SPAG16: variants seen among roughly 807,000 people sequenced by gnomAD.
SPAG16 encodes the protein sperm associated antigen 16.
A neutral mutation model predicts 80.4 loss-of-function variants in SPAG16; 86 were observed. That is an observed-to-expected ratio of 1.07 (90% CI 0.90 to 1.28). SPAG16 has a LOEUF of 1.28. Among genes scored for constraint, SPAG16 ranks in the 50% most tolerant of loss-of-function variants. The pLI is 0.00. For synonymous variants in SPAG16, 294 were observed against 265.9 expected (o/e 1.11, Z -1.03); for missense variants, 870 against 765.3 (o/e 1.14, Z -1.61).
chr2:213,396,547 G>A, intron 9 of SPAG16: 1 of 425,186 alleles, frequency 2.4e-6, no homozygotes, highest in Non-Finnish European at 4.8e-6. Flanking sequence ...TATGAGCTCA[G>A]TGCGAGAACA....
chr2:213,799,395 C>T (rs2125632637), intron 10 of SPAG16, among the ~76,000 whole-genome samples: 1 of 152,008 alleles, frequency 6.6e-6, no homozygotes, highest in South Asian at 2.1e-4. Context: ...TATAAAAATG[C>T]AATTTATTTT....
At chr2:213,297,955 T>C (rs2062578971) in intron 3 of SPAG16, among the ~76,000 whole-genome samples, 1 of 152,184 alleles carries the variant, frequency 6.6e-6, no homozygotes, top group East Asian at 1.9e-4. Context: ...TTAAGAAGCA[T>C]GCTTTCTTTC....
intron 10 of SPAG16, among the ~76,000 whole-genome samples, chr2:213,606,960 A>G (rs564792494): frequency 6.6e-6 from 1 of 152,368 alleles, no homozygotes; most frequent in South Asian, 2.1e-4. Context: ...AAGGCAAAAT[A>G]TTATCATGGA....
chr2:214,373,065 A>G (rs1214174959), intron 15 of SPAG16, among the ~76,000 whole-genome samples: 3 of 152,196 alleles, frequency 2.0e-5, no homozygotes, highest in Admixed American at 1.3e-4. Flanking sequence ...CAAAGAATGT[A>G]GTAAAATTGT....
At chr2:214,290,445 A>G (rs1442378937) in intron 15 of SPAG16, among the ~76,000 whole-genome samples, 1 of 151,954 alleles carries the variant, frequency 6.6e-6, no homozygotes, top group African/African-American at 2.4e-5. Context: ...TTGCTTTCCT[A>G]ATTCCTTGAG....
chr2:213,299,212 A>C (rs1407778641), intron 3 of SPAG16, among the ~76,000 whole-genome samples: 1 of 152,212 alleles, frequency 6.6e-6, no homozygotes, highest in East Asian at 1.9e-4. Context: ...GAAATAATGT[A>C]AATTATCTTA....
At chr2:213,957,343 T>C (rs1285237663) in intron 12 of SPAG16, among the ~76,000 whole-genome samples, 2 of 152,206 alleles carry the variant, frequency 1.3e-5, no homozygotes, top group African/African-American at 4.8e-5. Flanking sequence ...TCTTGCAATA[T>C]TGAAACTTTT....
chr2:214,154,198 T>C (rs560375759), intron 15 of SPAG16, among the ~76,000 whole-genome samples: 7 of 152,260 alleles, frequency 4.6e-5, no homozygotes, highest in Admixed American at 2.0e-4. Context: ...ACCATGAGAA[T>C]TTATATACAT....
chr2:213,368,475 A>T (rs1367678770), intron 8 of SPAG16, among the ~76,000 whole-genome samples: 1 of 152,164 alleles, frequency 6.6e-6, no homozygotes, highest in Admixed American at 6.5e-5. Flanking sequence ...ATGGGCAAAA[A>T]CTGGAAGCAT....
At chr2:213,802,998 G>A (rs1326118631) in intron 10 of SPAG16, among the ~76,000 whole-genome samples, 2 of 152,076 alleles carry the variant, frequency 1.3e-5, no homozygotes, top group African/African-American at 4.8e-5. Flanking sequence ...ATACTTCAGG[G>A]CAGTGTACGT....
chr2:213,437,237 A>G (rs1235533978), intron 9 of SPAG16, among the ~76,000 whole-genome samples: 1 of 152,138 alleles, frequency 6.6e-6, no homozygotes, highest in Non-Finnish European at 1.5e-5. Context: ...ATTGTTATGA[A>G]AGGTAAGAGA....
At chr2:213,862,716 T>A (rs2075527846) in intron 11 of SPAG16, 88 bp downstream of exon 11, 5 of 1,463,548 alleles carry the variant, frequency 3.4e-6, no homozygotes, top group Non-Finnish European at 4.7e-6. Context: ...TCTTTGATGA[T>A]GTTTTTCTTT....
chr2:213,440,800 T>G (rs2070907281), intron 9 of SPAG16, among the ~76,000 whole-genome samples: 1 of 152,222 alleles, frequency 6.6e-6, no homozygotes, highest in Non-Finnish European at 1.5e-5. Flanking sequence ...ATTGCATATC[T>G]AAACATGAAA....
intron 15 of SPAG16, among the ~76,000 whole-genome samples, chr2:214,299,000 GA>G (rs1479333471): frequency 1.3e-5 from 2 of 152,092 alleles, no homozygotes; most frequent in Admixed American, 6.5e-5. Context: ...AGTGAACTAT[GA>G]GGTAAATTAT....
At chr2:213,960,850 G>T (rs1451312699) in intron 12 of SPAG16, among the ~76,000 whole-genome samples, 1 of 152,186 alleles carries the variant, frequency 6.6e-6, no homozygotes, top group African/African-American at 2.4e-5. Flanking sequence ...TTGCAATAAT[G>T]CGGGAGGTAC....
At chr2:214,341,112 G>A (rs1024688163) in intron 15 of SPAG16, among the ~76,000 whole-genome samples, 1 of 152,088 alleles carries the variant, frequency 6.6e-6, no homozygotes, top group Non-Finnish European at 1.5e-5. Context: ...GCCTAAAAGG[G>A]AACAACTTGA....
At chr2:214,234,916 T>G (rs1688974129) in intron 15 of SPAG16, among the ~76,000 whole-genome samples, 1 of 152,120 alleles carries the variant, frequency 6.6e-6, no homozygotes, top group Admixed American at 6.6e-5. Context: ...TTCCCTTTTA[T>G]GAATTGGTGT....
chr2:213,681,918 C>G (rs1018583075), intron 10 of SPAG16, among the ~76,000 whole-genome samples: 21 of 152,132 alleles, frequency 1.4e-4, no homozygotes, highest in Admixed American at 6.5e-5. Flanking sequence ...TAATATTTCT[C>G]TCTTCCTTTG....
chr2:213,506,037 T>G (rs1443278402), intron 10 of SPAG16, among the ~76,000 whole-genome samples: 1 of 151,990 alleles, frequency 6.6e-6, no homozygotes, highest in African/African-American at 2.4e-5. Context: ...ATGAGATTTT[T>G]GTACTTTTCC....
Sources: gnomAD v4.1 joint callset for allele counts (sites outside exome capture counted in the v4.1 genomes callset) on GRCh38, gnomAD v4.1.1 for gene constraint, MANE v1.5 for transcripts, NCBI Gene and HGNC (gene_info 2026-07-23, HGNC 2026-07-21) for gene names.